TGFBRAP1: variants seen among roughly 807,000 people sequenced by gnomAD.
The protein encoded by TGFBRAP1 is transforming growth factor beta receptor associated protein 1, also known as transforming growth factor-beta receptor-associated protein 1.
In TGFBRAP1, 20 loss-of-function variants were observed where a neutral mutation model predicts 83.2. That is an observed-to-expected ratio of 0.24 (90% CI 0.17 to 0.35). TGFBRAP1 has a LOEUF of 0.35. Ranked by LOEUF, TGFBRAP1 falls within the 10% of genes least tolerant of loss-of-function variation. The pLI is 1.00. For synonymous variants in TGFBRAP1, 415 were observed against 459.8 expected, an observed-to-expected ratio of 0.90 and a Z score of 1.25; for missense variants, 950 against 1,099.4, an observed-to-expected ratio of 0.86 and a Z score of 1.92.
intron 1 of TGFBRAP1, 76 bp from the exon 2 acceptor site, chr2:105,308,394 G>A: frequency 7.6e-7 from 1 of 1,319,900 alleles, no homozygotes; most frequent in South Asian, 1.5e-5. Context: ...AATGATACGT[G>A]GATTCCCTAG....
At chr2:105,319,581 A>G (rs1187923154) in intron 1 of TGFBRAP1, among the ~76,000 whole-genome samples, 1 of 149,402 alleles carries the variant, frequency 6.7e-6, no homozygotes, top group Non-Finnish European at 1.5e-5. Flanking sequence ...AATCCCAGCT[A>G]CTTGGGAGGC....
chr2:105,250,440 G>A, the TGFBRAP1 span, among the ~76,000 whole-genome samples: 2 of 152,050 alleles, frequency 1.3e-5, no homozygotes, highest in Non-Finnish European at 2.9e-5. Flanking sequence ...GTTCATTTTC[G>A]GAAGCATTTT....
chr2:105,326,974 A>C (rs1679241526), intron 1 of TGFBRAP1, among the ~76,000 whole-genome samples: 1 of 152,106 alleles, frequency 6.6e-6, no homozygotes, highest in African/African-American at 2.4e-5. Context: ...GTAGGTATTT[A>C]TTTTTTTAAA....
At chr2:105,301,587 A>ATC (rs1482330697) in intron 2 of TGFBRAP1, among the ~76,000 whole-genome samples, 2,276 of 152,306 alleles carry the variant, frequency 0.015, 57 homozygotes, top group African/African-American at 0.051. Flanking sequence ...ACTCTCTCAA[A>ATC]AAAAAGAAAA....
chr2:105,305,655 A>G (rs953095361), intron 2 of TGFBRAP1, among the ~76,000 whole-genome samples: 3 of 152,118 alleles, frequency 2.0e-5, no homozygotes, highest in African/African-American at 7.2e-5. Flanking sequence ...TTTTATTTTT[A>G]TTAATTAATT....
intron 1 of TGFBRAP1, chr2:105,324,066 T>C (rs1267188090): frequency 6.6e-6 from 1 of 152,016 alleles, no homozygotes; most frequent in East Asian, 1.9e-4. Flanking sequence ...GACAATTAAA[T>C]GCAAAGTGGG....
chr2:105,280,764 A>G, intron 5 of TGFBRAP1, 41 bp from the exon 6 acceptor site: 2 of 1,567,638 alleles, frequency 1.3e-6, no homozygotes, highest in Non-Finnish European at 1.7e-6. Context: ...AAAAAGAGAG[A>G]AGAGTACACA....
At chr2:105,316,462 T>TGTGTGTGTGTGTGTGC (rs1177329674) in intron 1 of TGFBRAP1, among the ~76,000 whole-genome samples, 33 of 84,810 alleles carry the variant, frequency 3.9e-4, no homozygotes, top group East Asian at 7.8e-4. Context: ...TGTGTGTGTG[T>TGTGTGTGTGTGTGTGC]GCGCGCGCGC....
intron 1 of TGFBRAP1, among the ~76,000 whole-genome samples, chr2:105,323,795 G>C (rs1166931960): frequency 6.6e-6 from 1 of 152,182 alleles, no homozygotes; most frequent in Non-Finnish European, 1.5e-5. Flanking sequence ...AGTCCCATCT[G>C]AAAAATGCAT....
Position 105,300,406 on chromosome 2 carries a change from C to A in TGFBRAP1, c.689-1701G>T, listed in dbSNP as rs115114677. 5.6e-3 allele frequency among the ~76,000 whole-genome samples: 836 copies of A among 150,126 alleles called. 4 individuals are homozygous for A. The highest frequency in any genetic ancestry group is 0.019 in the African/African-American group (782 of 41,068). On this transcript the variant is annotated intron_variant, in intron 2 of 11. Transcript: ENST00000393359. ...TTATTTCCCATCAATCCTAACACTACAACCAACATAGGATAATGGAGTAAA... is the reference window on the plus strand; with the variant it reads ...TTATTTCCCATCAATCCTAACACTAAAACCAACATAGGATAATGGAGTAAA...
intron 1 of TGFBRAP1, among the ~76,000 whole-genome samples, chr2:105,316,473 GCGCGCGCA>G (rs749157127): frequency 0.2 from 15,864 of 80,282 alleles, 862 homozygotes; most frequent in Non-Finnish European, 0.27. Context: ...GCGCGCGCGC[GCGCGCGCA>G]CGCGCACATA....
chr2:105,258,404 T>C, the TGFBRAP1 span, among the ~76,000 whole-genome samples: 8 of 152,038 alleles, frequency 5.3e-5, no homozygotes, highest in South Asian at 1.7e-3. Context: ...CCCTTCCCTA[T>C]GTGTGGGCAT....
At chr2:105,298,354 C>T (rs540444138) in intron 3 of TGFBRAP1, among the ~76,000 whole-genome samples, 157 bp downstream of exon 3, 4 of 152,312 alleles carry the variant, frequency 2.6e-5, no homozygotes, top group East Asian at 3.9e-4. Flanking sequence ...TCTGTCTCCC[C>T]ACTAACTGTG....
chr2:105,273,715 G>A (rs1558629399), intron 8 of TGFBRAP1, 25 bp from the exon 9 acceptor site: 1 of 1,609,202 alleles, frequency 6.2e-7, no homozygotes, highest in East Asian at 2.2e-5. Flanking sequence ...ACAATACAGT[G>A]ACTGTGCTTC....
intron 1 of TGFBRAP1, among the ~76,000 whole-genome samples, chr2:105,310,148 A>C (rs1393339052): frequency 6.6e-6 from 1 of 152,220 alleles, no homozygotes; most frequent in Non-Finnish European, 1.5e-5. Context: ...CTGTGAAATG[A>C]GAATAACGGT....
chr2:105,273,500 TC>T, intron 9 of TGFBRAP1, 43 bp downstream of exon 9: 1 of 1,603,828 alleles, frequency 6.2e-7, no homozygotes, highest in Non-Finnish European at 8.5e-7. Flanking sequence ...TTCAATTCCG[TC>T]TCTCCAGCCC....
intron 5 of TGFBRAP1, among the ~76,000 whole-genome samples, chr2:105,281,635 T>G (rs1367714990): frequency 6.6e-6 from 1 of 152,192 alleles, no homozygotes; most frequent in East Asian, 1.9e-4. Context: ...AATCTCTTAG[T>G]ATGGCATTCA....
intron 1 of TGFBRAP1, among the ~76,000 whole-genome samples, chr2:105,314,494 C>T (rs1678790105): frequency 6.6e-6 from 1 of 151,828 alleles, no homozygotes; most frequent in Non-Finnish European, 1.5e-5. Flanking sequence ...TCATGATCCA[C>T]CTGTCTCAGC....
At chr2:105,289,408 T>C (rs972151097) in intron 4 of TGFBRAP1, among the ~76,000 whole-genome samples, 1 of 152,216 alleles carries the variant, frequency 6.6e-6, no homozygotes, top group Non-Finnish European at 1.5e-5. Context: ...TTTTGAGGCA[T>C]TGAAAACGGA....
Sources: allele counts gnomAD v4.1 joint callset (sites outside exome capture counted in the v4.1 genomes callset), GRCh38; gene constraint gnomAD v4.1.1; transcripts MANE v1.5; gene names NCBI Gene and HGNC (gene_info 2026-07-23, HGNC 2026-07-21).